CACNA1E: variants seen among roughly 807,000 people sequenced by gnomAD.
The protein encoded by CACNA1E is voltage-dependent R-type calcium channel subunit alpha-1E.
CACNA1E carries 40 observed loss-of-function variants against 259.2 expected under a neutral mutation model. That is an observed-to-expected ratio of 0.15 (90% CI 0.12 to 0.20). The LOEUF is 0.20. Ranked by LOEUF, CACNA1E falls within the 10% of genes least tolerant of loss-of-function variation. The pLI, the probability that CACNA1E is intolerant of heterozygous loss-of-function variation, is 1.00. For missense variants in CACNA1E, 1,874 were observed against 3,040.1 expected (o/e 0.62, Z 9.02); for synonymous variants, 1,104 against 1,138.5 (o/e 0.97, Z 0.61).
chr1:181,706,418 A>T (rs527807398), intron 7 of CACNA1E, among the ~76,000 whole-genome samples: 1 of 152,326 alleles, frequency 6.6e-6, no homozygotes, highest in Non-Finnish European at 1.5e-5. Context: ...CCTGATGGGC[A>T]TGTTAAATCT....
At chr1:181,570,475 A>G (rs1480517766) in intron 3 of CACNA1E, among the ~76,000 whole-genome samples, 3 of 152,236 alleles carry the variant, frequency 2.0e-5, no homozygotes, top group African/African-American at 4.8e-5. Flanking sequence ...TCTGTAACAA[A>G]TGACCACAAA....
upstream of CACNA1E, chr1:181,483,219 TA>T (rs1303232375): frequency 6.6e-6 from 1 of 152,158 alleles, no homozygotes; most frequent in Non-Finnish European, 1.5e-5. Context: ...CGTCTTTGTT[TA>T]TTTTTTTTTA....
intron 1 of CACNA1E, among the ~76,000 whole-genome samples, chr1:181,319,360 A>G (rs1650172017): frequency 6.6e-6 from 1 of 152,224 alleles, no homozygotes; most frequent in Non-Finnish European, 1.5e-5. Flanking sequence ...AACCAGAGGA[A>G]AAGGGGCTTT....
rs751233837 is a variant in CACNA1E at position 181,755,290 on chromosome 1, T to G, written c.3882T>G (p.Ile1294Met). The G allele has an allele frequency of 6.2e-7, 1 of 1,613,818 alleles. No individual in the cohort carries two copies. Among genetic ancestry groups the G allele is most frequent in the South Asian group, 1.1e-5 (1 of 91,068 alleles). ...TSLKNVFNIL[I>M]VYKLFMFIFA... is the part of the protein sequence containing the mutation. The stretch of plus-strand genomic sequence containing the variant: ...TGAAGAATGTCTTCAACATACTCAT[T>G]GTGTACAAGCTCTTCATGTTCATCT... Residue 1294 changes from isoleucine (I) to methionine (M), a missense_variant, in exon 28 of 48, where the codon ATT becomes ATG. By Grantham distance (10) the Ile-to-Met change is conservative (BLOSUM62 1). Around this residue, in one of 14 missense-constraint regions of CACNA1E, gnomAD observed 188 missense variants for 540.6 expected, o/e 0.35. Coordinates refer to ENST00000367573, the MANE Select transcript of CACNA1E (RefSeq NM_001205293.3).
intron 3 of CACNA1E, among the ~76,000 whole-genome samples, chr1:181,554,395 A>G (rs1324779948): frequency 6.6e-6 from 1 of 152,186 alleles, no homozygotes; most frequent in Non-Finnish European, 1.5e-5. Context: ...GGTTCAATCT[A>G]CCATTGTGTC....
Position 181,508,147 on chromosome 1 carries a change from TTGTGTG to T in CACNA1E, c.267-2307_267-2302del, listed in dbSNP as rs55742094. Among the ~76,000 whole-genome samples, 5 of 148,956 alleles carry T rather than the reference TTGTGTG, an allele frequency of 3.4e-5. No homozygotes were observed. The East Asian group carries it at 8.0e-4, about 24-fold the overall frequency. On this transcript the variant is annotated intron_variant, in intron 1 of 47. Coordinates refer to ENST00000367573, the MANE Select transcript of CACNA1E (RefSeq NM_001205293.3). ...AATGTTGTGTGCTGTCCCAAACGCCTTGTGTGTGTGTGTGTGTGTGTGTGTGTGATG... is the reference window on the plus strand; with the variant it reads ...AATGTTGTGTGCTGTCCCAAACGCCTTGTGTGTGTGTGTGTGTGTGTGATG...
At chr1:181,323,279 G>C (rs185810647) in intron 1 of CACNA1E, among the ~76,000 whole-genome samples, 1 of 152,300 alleles carries the variant, frequency 6.6e-6, no homozygotes, top group Admixed American at 6.5e-5. Context: ...TCTAAGTCCA[G>C]TACTTTAATA....
intron 1 of CACNA1E, among the ~76,000 whole-genome samples, chr1:181,367,804 CCA>C (rs1654391767): frequency 6.6e-6 from 1 of 151,994 alleles, no homozygotes; most frequent in Admixed American, 6.6e-5. Context: ...TAATTCTATT[CCA>C]GAGTCATAGA....
chr1:181,388,399 T>G (rs1656009313), intron 1 of CACNA1E, among the ~76,000 whole-genome samples: 3 of 152,218 alleles, frequency 2.0e-5, no homozygotes, highest in Admixed American at 2.0e-4. Context: ...TTTGTCATTG[T>G]GTGAACATCA....
intron 2 of CACNA1E, among the ~76,000 whole-genome samples, chr1:181,445,723 TA>T (rs1660751515): frequency 6.6e-6 from 1 of 152,228 alleles, no homozygotes; most frequent in Admixed American, 6.5e-5. Flanking sequence ...AGTTAAGAGT[TA>T]AAAATTGTAG....
chr1:181,487,681 G>A (rs1268250278), intron 1 of CACNA1E, among the ~76,000 whole-genome samples: 2 of 152,164 alleles, frequency 1.3e-5, no homozygotes, highest in Non-Finnish European at 2.9e-5. Context: ...TGTTCACCGT[G>A]CCTCATGCTT....
chr1:181,669,482 A>C (rs1403377678), intron 7 of CACNA1E, among the ~76,000 whole-genome samples: 3 of 152,184 alleles, frequency 2.0e-5, no homozygotes, highest in African/African-American at 7.2e-5. Flanking sequence ...CTTCCAGGTC[A>C]AGTTTCTTCA....
chr1:181,462,849 T>G (rs1287087739), intron 2 of CACNA1E, among the ~76,000 whole-genome samples: 1 of 152,228 alleles, frequency 6.6e-6, no homozygotes, highest in Non-Finnish European at 1.5e-5. Flanking sequence ...TTATTTCACT[T>G]TCTGCATAGA....
upstream of CACNA1E, among the ~76,000 whole-genome samples, chr1:181,478,690 T>C (rs1199465858): frequency 6.6e-6 from 1 of 152,152 alleles, no homozygotes; most frequent in African/African-American, 2.4e-5. Context: ...CACAGGCCAT[T>C]TGGATGAAGC....
intron 1 of CACNA1E, among the ~76,000 whole-genome samples, chr1:181,499,116 C>T (rs928657907): frequency 2.0e-5 from 3 of 152,146 alleles, no homozygotes; most frequent in Non-Finnish European, 4.4e-5. Context: ...ACTCAATAGG[C>T]AATGGACTTC....
chr1:181,792,424 T>G (rs771973562), intron 44 of CACNA1E, among the ~76,000 whole-genome samples: 1 of 152,230 alleles, frequency 6.6e-6, no homozygotes, highest in African/African-American at 2.4e-5. Context: ...CATGATTGTG[T>G]GTGTGCATAT....
chr1:181,709,640 A>AT (rs5779111), intron 7 of CACNA1E, among the ~76,000 whole-genome samples: 19,526 of 151,218 alleles, frequency 0.13, 1,330 homozygotes, highest in Admixed American at 0.19. Flanking sequence ...CTGCAGCTCT[A>AT]TTTTTTTTTA....
chr1:181,388,522 G>T (rs189048064), intron 1 of CACNA1E, among the ~76,000 whole-genome samples: 15 of 152,278 alleles, frequency 9.9e-5, no homozygotes, highest in Non-Finnish European at 1.9e-4. Flanking sequence ...AATACTGTAG[G>T]CCCTTGTAAC....
chr1:181,738,233 C>A, intron 23 of CACNA1E, 134 bp from the exon 24 acceptor site: 1 of 739,532 alleles, frequency 1.4e-6, no homozygotes, highest in Non-Finnish European at 2.4e-6. Flanking sequence ...TAATTCCAAG[C>A]CTTTGTTCTG....
Sources: gnomAD v4.1 joint callset for allele counts (sites outside exome capture counted in the v4.1 genomes callset) on GRCh38, gnomAD v4.1.1 for gene constraint, gnomAD v4.1.1 regional missense constraint, MANE v1.5 for transcripts, NCBI Gene and HGNC (gene_info 2026-07-23, HGNC 2026-07-21) for gene names.